The following SLC4A2 variants were observed in gnomAD, a reference collection of about 807,000 sequenced individuals.
SLC4A2 encodes the protein anion exchange protein 2.
In SLC4A2, 36 loss-of-function variants were observed where a neutral mutation model predicts 115.0. The ratio of observed to expected loss-of-function variants is 0.31; its 90% CI spans 0.24 to 0.41. The LOEUF (loss-of-function observed/expected upper bound fraction) is 0.41. SLC4A2 is among the 10% of genes least tolerant of loss of function. The pLI is 1.00. For missense variants in SLC4A2, 1,252 were observed against 1,705.6 expected, an observed-to-expected ratio of 0.73 and a Z score of 4.68; for synonymous variants, 708 against 708.3, an observed-to-expected ratio of 1.00 and a Z score of 0.01.
intron 5 of SLC4A2, among the ~76,000 whole-genome samples, chr7:151,065,256 G>A (rs1171098209): frequency 2.6e-5 from 4 of 152,342 alleles, no homozygotes; most frequent in Non-Finnish European, 4.4e-5. Context: ...CGCTGCCTAA[G>A]CTGCCTCCCA....
chr7:151,071,875 C>T lies in SLC4A2; in HGVS notation c.2340+38C>T, dbSNP rs764716004. ...CTCGCCCATCTCCAGCCGCCCCTCC[C>T]GTGCCCTAGACACCTCCCCACAGCA... On this transcript the variant is annotated intron_variant, in intron 15 of 22. Transcript: ENST00000413384. The surrounding 1 kb of genome is among the most constrained non-coding windows in gnomAD (Gnocchi z 5.5). 58 of 1,604,328 alleles carry T rather than the reference C, an allele frequency of 3.6e-5. No homozygotes were observed. Among genetic ancestry groups the T allele is most frequent in the Non-Finnish European group, 3.9e-5 (46 of 1,173,844 alleles).
Position 151,067,965 on chromosome 7 carries a change from TGGA to T in SLC4A2, c.1066_1068del (p.Glu356del). On this transcript the variant is annotated inframe_deletion, in exon 8 of 23. Transcript: ENST00000413384. ...CGCTGGATCAAATTTGAAGAGGACG[TGGA>T]GGAGGAGACTGAGCGCTGGGGGAAG... The T allele has an allele frequency of 6.2e-7, 1 of 1,610,610 alleles. No individual in the cohort carries two copies. Among genetic ancestry groups the T allele is most frequent in the Non-Finnish European group, 8.5e-7 (1 of 1,178,932 alleles).
chr7:151,063,201 G>T, intron 2 of SLC4A2: 8 of 1,422,512 alleles, frequency 5.6e-6, no homozygotes, highest in South Asian at 1.4e-5. Context: ...TGGGGGCTGT[G>T]GGGGTGGGGT....
intron 2 of SLC4A2, chr7:151,062,489 C>T (rs1039389060): frequency 4.5e-6 from 6 of 1,336,650 alleles, no homozygotes; most frequent in African/African-American, 3.0e-5. Context: ...CTCCACATGG[C>T]CCCCTTTGGA....
chr7:151,061,981 T>C lies in SLC4A2; in HGVS notation c.-7T>C, dbSNP rs1212098915. The C allele has an allele frequency of 1.9e-6, 3 of 1,610,098 alleles. No homozygotes were observed. Among genetic ancestry groups the C allele is most frequent in the Non-Finnish European group, 1.7e-6 (2 of 1,179,622 alleles). On this transcript the variant is annotated 5_prime_UTR_variant, in exon 2 of 23. Transcript: ENST00000413384. Reference sequence around the variant, plus strand: ...GCAGCGACAGCGAAAAGGGCTAAGATTCGGCCATGAGCAGCGCCCCTCGGC... The same window carrying C: ...GCAGCGACAGCGAAAAGGGCTAAGACTCGGCCATGAGCAGCGCCCCTCGGC...
rs2229553 is a variant in SLC4A2, at chr7:151,076,402, G to A, written c.*35G>A. The A allele has an allele frequency of 0.033, 47,370 of 1,444,834 alleles. 1,376 individuals are homozygous for A. Among genetic ancestry groups the A allele is most frequent in the African/African-American group, 0.15 (10,269 of 69,328 alleles). The allele number at this position is 1,444,834 out of a possible 1,614,324, so 89.5% of individuals were successfully genotyped here. ...AGGGACAGCCGAGGGACCGATGGAC[G>A]AGGGGACAGGCTGGTGGGATGGGGT... On this transcript the variant is annotated 3_prime_UTR_variant, in exon 23 of 23. Transcript: ENST00000413384.
At chr7:151,062,130 AGCGTGTGT>A (rs1797069759) in intron 2 of SLC4A2, 92 bp downstream of exon 2, 4 of 873,298 alleles carry the variant, frequency 4.6e-6, no homozygotes, top group Admixed American at 4.4e-5. Context: ...CAGGGGTGTG[AGCGTGTGT>A]GAGTGTGGAG....
Position 151,064,644 on chromosome 7 carries a change from C to T in SLC4A2, c.336C>T (p.Ala112=). 6.2e-7 allele frequency: 1 copy of T among 1,613,744 alleles called. No individual in the cohort carries two copies. Among genetic ancestry groups the T allele is most frequent in the South Asian group, 1.1e-5 (1 of 91,072 alleles). Residue 112 remains alanine, a synonymous_variant, in exon 4 of 23, where the codon GCC becomes GCT. Transcript: ENST00000413384. ...GGAAGCCTCGAAGGCGCCCGGGAGCCTCCCCGACTGGAGAAACCCCGACCA... is the reference window on the plus strand; with the variant it reads ...GGAAGCCTCGAAGGCGCCCGGGAGCTTCCCCGACTGGAGAAACCCCGACCA... The part of the protein sequence containing the change: ...PGRKPRRRPG[A]SPTGETPTIE...
At position 151,071,335 on chromosome 7, in the gene SLC4A2, G is replaced by T. The variant is rs1268146197; in HGVS notation, c.1975+38G>T. 2.6e-6 allele frequency: 4 copies of T among 1,545,514 alleles called. No individual in the cohort carries two copies. The highest frequency in any genetic ancestry group is 3.5e-6 in the Non-Finnish European group (4 of 1,148,566). On this transcript the variant is annotated intron_variant, in intron 13 of 22. Coordinates refer to ENST00000413384, the MANE Select transcript of SLC4A2 (RefSeq NM_003040.4). The surrounding 1 kb of genome is among the most constrained non-coding windows in gnomAD (Gnocchi z 5.5). Reference sequence around the variant, plus strand: ...CGGGCTGGGGCCAGGGCTGCCTCGAGGGGGTGAGGTGGGCAAGAGGGGCTG... The same window carrying T: ...CGGGCTGGGGCCAGGGCTGCCTCGATGGGGTGAGGTGGGCAAGAGGGGCTG...
In SLC4A2 at chr7:151,075,652, C is replaced by G. The variant is rs200652539; in HGVS notation, c.3348C>G (p.Ala1116=). 5.0e-6 allele frequency: 8 copies of G among 1,606,924 alleles called. No individual in the cohort carries two copies. The highest frequency in any genetic ancestry group is 6.8e-6 in the Non-Finnish European group (8 of 1,177,820). ...ATCTGCTCCGGCAGATCCCCCTGGC[C>G]GTGCTCTTTGGAATTTTCCTGTACA... ...IGDLLRQIPL[A]VLFGIFLYMG... The change falls in exon 21 of 23, where the codon GCC becomes GCG. Residue 1116 remains alanine (A), a synonymous_variant. Coordinates refer to ENST00000413384, the MANE Select transcript of SLC4A2 (RefSeq NM_003040.4).
In SLC4A2 at chr7:151,070,053, C is replaced by T. The variant is rs148792770; in HGVS notation, c.1254C>T (p.Asn418=). ...SDQIKAEDRA[N]VLRALLLKHS... ...AGATCAAGGCCGAGGACAGGGCCAA[C>T]GTGCTGCGGGCTCTGCTGTTGAAAC... The change falls in exon 9 of 23, where the codon AAC becomes AAT. Residue 418 remains asparagine, a synonymous_variant. Coordinates refer to ENST00000413384, the MANE Select transcript of SLC4A2 (RefSeq NM_003040.4). 46 of 1,614,024 alleles carry T rather than the reference C, an allele frequency of 2.9e-5. No homozygotes were observed. The East Asian group carries it at 4.7e-4, about 16-fold the overall frequency.
intron 18 of SLC4A2, 58 bp from the exon 19 acceptor site, chr7:151,074,617 A>C: frequency 7.0e-6 from 11 of 1,572,954 alleles, no homozygotes; most frequent in Non-Finnish European, 9.5e-6. Flanking sequence ...TCCCCTTTCC[A>C]TGGCATGCCC....
rs369782758 is a variant in SLC4A2, at chr7:151,070,612, G to T, written c.1564+41G>T. On this transcript the variant is annotated intron_variant, in intron 11 of 22. Transcript: ENST00000413384. ...CACATGTAGGGGGCTTGGTGGCCAG[G>T]CCTTGAGGCAGAGTCCTGTAGTCTC... The T allele has an allele frequency of 1.2e-5, 19 of 1,603,808 alleles. No individual in the cohort carries two copies. The Admixed American group carries it at 2.7e-4, about 23-fold the overall frequency.
chr7:151,062,708 C>T (rs762164594), intron 2 of SLC4A2: 3 of 1,448,570 alleles, frequency 2.1e-6, no homozygotes, highest in South Asian at 1.4e-5. Context: ...GGCAAGCTCC[C>T]TGCGCCTCTC....
At chr7:151,075,233 G>A (rs760259016) in intron 19 of SLC4A2, 22 bp from the exon 20 acceptor site, 1 of 1,611,106 alleles carries the variant, frequency 6.2e-7, no homozygotes, top group Non-Finnish European at 8.5e-7. Context: ...CTGGGCCTCA[G>A]CAGCACCCCT....
Position 151,068,041 on chromosome 7 carries a change from G to GATCCTGGCCCATGGTA in SLC4A2, c.1135_1136insTCCTGGCCCATGGTAA (p.Thr379IlefsTer36), listed in dbSNP as rs1797296077. On this transcript the variant is annotated frameshift_variant, in exon 8 of 23. Coordinates refer to ENST00000413384, the MANE Select transcript of SLC4A2 (RefSeq NM_003040.4). LOFTEE classifies it high-confidence loss of function. ...TCCGCAGTCTCCTGGAGCTCCGCAG[G>GATCCTGGCCCATGGTA]ACCCTGGCCCATGGTAACCCCGCTC... The GATCCTGGCCCATGGTA allele has an allele frequency of 6.6e-7, 1 of 1,525,496 alleles. No homozygotes were observed. 94.5% of individuals were successfully genotyped at this position (1,525,496 alleles called of 1,614,324 possible).
chr7:151,070,035 G>C lies in SLC4A2; in HGVS notation c.1236G>C (p.Lys412Asn). The C allele has an allele frequency of 6.2e-7, 1 of 1,614,174 alleles. No individual in the cohort carries two copies. The highest frequency in any genetic ancestry group is 8.5e-7 in the Non-Finnish European group (1 of 1,180,032). The part of the protein sequence containing the change: ...VEQMVISDQI[K>N]AEDRANVLRA... ...AGATGGTCATCTCTGACCAGATCAAGGCCGAGGACAGGGCCAACGTGCTGC... is the reference window on the plus strand; with the variant it reads ...AGATGGTCATCTCTGACCAGATCAACGCCGAGGACAGGGCCAACGTGCTGC... Residue 412 changes from lysine (K) to asparagine (N), a missense_variant, in exon 9 of 23, where the codon AAG becomes AAC. This residue lies in a region of SLC4A2 where 142 missense variants were observed against 153.5 expected (regional missense o/e 0.93). Coordinates refer to ENST00000413384, the MANE Select transcript of SLC4A2 (RefSeq NM_003040.4).
chr7:151,076,141 C>A lies in SLC4A2; in HGVS notation c.3600C>A (p.Arg1200=). 6.2e-7 allele frequency: 1 copy of A among 1,610,718 alleles called. No individual in the cohort carries two copies. The highest frequency in any genetic ancestry group is 1.3e-5 in the African/African-American group (1 of 75,050). The change falls in exon 22 of 23, where the codon CGC becomes CGA. Residue 1200 remains arginine, a synonymous_variant. Transcript: ENST00000413384. ...PFILILTVPL[R]MVVLTRIFTD... ...TCCTCATCCTCACAGTGCCGCTCCG[C>A]ATGGTGGTGCTCACCCGTATCTTCA...
chr7:151,063,248 C>T (rs1232557193), intron 2 of SLC4A2: 1 of 1,196,750 alleles, frequency 8.4e-7, no homozygotes, highest in Non-Finnish European at 1.1e-6. Flanking sequence ...AGGGCTCGGG[C>T]CGGGGGCCTG....
Sources: gnomAD v4.1 joint callset for allele counts (sites outside exome capture counted in the v4.1 genomes callset) on GRCh38, gnomAD v4.1.1 for gene constraint, gnomAD v4.1.1 regional missense constraint, Gnocchi (gnomAD v3.1) non-coding constraint, MANE v1.5 for transcripts, NCBI Gene and HGNC (gene_info 2026-07-23, HGNC 2026-07-21) for gene names.